HIPK3: variants seen among roughly 807,000 people sequenced by gnomAD.
The protein encoded by HIPK3 is homeodomain-interacting protein kinase 3.
Under a neutral mutation model 124.2 loss-of-function variants are expected in HIPK3, and 47 were observed. That is an observed-to-expected ratio of 0.38 (90% confidence interval 0.30 to 0.48). The LOEUF (loss-of-function observed/expected upper bound fraction) is 0.48. Ranked by LOEUF, HIPK3 falls within the 20% of genes least tolerant of loss-of-function variation. The pLI, the probability that HIPK3 is intolerant of heterozygous loss-of-function variation, is 0.98. For missense variants in HIPK3, 1,286 were observed against 1,454.3 expected, an observed-to-expected ratio of 0.88 and a Z score of 1.88; for synonymous variants, 482 against 515.2, an observed-to-expected ratio of 0.94 and a Z score of 0.87.
intron 1 of HIPK3, among the ~76,000 whole-genome samples, chr11:33,263,930 G>C (rs545750637): frequency 6.6e-6 from 1 of 152,236 alleles, no homozygotes; most frequent in East Asian, 1.9e-4. Context: ...GAAGACTATA[G>C]AACATAATAT....
Position 33,348,780 on chromosome 11 carries a change from T to G in HIPK3, c.2628T>G (p.Thr876=). 6.2e-7 allele frequency: 1 copy of G among 1,614,104 alleles called. No individual in the cohort carries two copies. Among genetic ancestry groups the G allele is most frequent in the Non-Finnish European group, 8.5e-7 (1 of 1,179,990 alleles). ...AVSVITISSD[T]DEEETSQRHS... is the part of the protein sequence containing the mutation. Reference sequence around the variant, plus strand: ...GTGTCATCACTATCAGCAGTGACACTGATGAGGAAGAGACTTCCCAGAGAC... The same window carrying G: ...GTGTCATCACTATCAGCAGTGACACGGATGAGGAAGAGACTTCCCAGAGAC... Residue 876 remains threonine, a synonymous_variant, in exon 13 of 17, where the codon ACT becomes ACG. Transcript: ENST00000303296.
intron 1 of HIPK3, among the ~76,000 whole-genome samples, chr11:33,285,246 C>A (rs1302892699): frequency 6.6e-6 from 1 of 151,940 alleles, no homozygotes; most frequent in African/African-American, 2.4e-5. Context: ...TCCTTGAGAA[C>A]CTTAGAATGA....
chr11:33,353,362 C>A lies in HIPK3; in HGVS notation c.3442C>A (p.Gln1148Lys). 1 of 1,614,140 alleles carries A rather than the reference C, an allele frequency of 6.2e-7. No individual in the cohort carries two copies. Among genetic ancestry groups the A allele is most frequent in the Non-Finnish European group, 8.5e-7 (1 of 1,180,002 alleles). The change falls in exon 17 of 17, where the codon CAG (glutamine) becomes AAG (lysine). Residue 1148 changes from glutamine to lysine, a missense_variant. By Grantham distance (53) the Gln-to-Lys change is moderately conservative. This residue lies in a region of HIPK3 where 810 missense variants were observed against 864.9 expected (regional missense o/e 0.94). Transcript: ENST00000303296. ...TCCGTGTACCTCAAGACCTATGTTACAGCATCCAACTTATAATATCTCCCA... is the reference window on the plus strand; with the variant it reads ...TCCGTGTACCTCAAGACCTATGTTAAAGCATCCAACTTATAATATCTCCCA... Reference protein sequence around the residue: ...ASPCTSRPMLQHPTYNISHPS... With the variant: ...ASPCTSRPMLKHPTYNISHPS...
chr11:33,290,321 G>T (rs1825363339), intron 2 of HIPK3, among the ~76,000 whole-genome samples: 2 of 152,006 alleles, frequency 1.3e-5, no homozygotes, highest in Non-Finnish European at 2.9e-5. Context: ...CTCCGCAAAA[G>T]ATTTTTTTTT....
At chr11:33,286,180 C>T (rs572849607) in intron 1 of HIPK3, among the ~76,000 whole-genome samples, 22 of 152,052 alleles carry the variant, frequency 1.4e-4, no homozygotes, top group African/African-American at 5.1e-4. Flanking sequence ...AGCCTTTTAA[C>T]GCAATACTCA....
intron 1 of HIPK3, among the ~76,000 whole-genome samples, chr11:33,269,448 C>T (rs1851062301): frequency 6.6e-6 from 1 of 151,686 alleles, no homozygotes; most frequent in Non-Finnish European, 1.5e-5. Flanking sequence ...GGAGCTTGTC[C>T]AAAAACTTAA....
intron 1 of HIPK3, 147 bp downstream of exon 1, chr11:33,258,036 C>A: frequency 1.7e-6 from 1 of 577,800 alleles, no homozygotes; most frequent in South Asian, 7.8e-5. Context: ...GTCCCGTGCC[C>A]CATCCGCATC....
chr11:33,309,870 T>C (rs890989831), intron 2 of HIPK3, among the ~76,000 whole-genome samples: 31 of 152,220 alleles, frequency 2.0e-4, no homozygotes, highest in Non-Finnish European at 3.8e-4. Context: ...GTAAATTTTA[T>C]ATATGGTGAG....
chr11:33,276,494 A>G (rs1851274110), intron 1 of HIPK3, among the ~76,000 whole-genome samples: 1 of 152,194 alleles, frequency 6.6e-6, no homozygotes, highest in Non-Finnish European at 1.5e-5. Flanking sequence ...TTGATATACA[A>G]TCACGTTCAT....
intron 6 of HIPK3, 76 bp from the exon 7 acceptor site, chr11:33,340,892 T>A: frequency 2.3e-6 from 2 of 853,868 alleles, no homozygotes; most frequent in Non-Finnish European, 3.4e-6. Context: ...ATAATTTTTT[T>A]ATTTTGTCAA....
At chr11:33,350,352 ATGATTTACTAACGCATTGAG>A (rs1007699199) in intron 14 of HIPK3, among the ~76,000 whole-genome samples, 34 of 152,226 alleles carry the variant, frequency 2.2e-4, no homozygotes, top group African/African-American at 7.2e-4. Flanking sequence ...CCTAAGCAGA[ATGATTTACTAACGCATTGAG>A]AGATAAGCCA....
intron 2 of HIPK3, among the ~76,000 whole-genome samples, chr11:33,313,114 C>G (rs1488514558): frequency 2.0e-5 from 3 of 152,096 alleles, no homozygotes; most frequent in Non-Finnish European, 4.4e-5. Flanking sequence ...TAGCATCACT[C>G]CTGTAGTAAT....
At chr11:33,348,866 G>C in intron 13 of HIPK3, 48 bp downstream of exon 13, 3 of 1,538,856 alleles carry the variant, frequency 1.9e-6, no homozygotes, top group Non-Finnish European at 2.6e-6. Flanking sequence ...GGCATCCTTT[G>C]GTGTGCCGAA....
Position 33,300,586 on chromosome 11 carries a change from A to G in HIPK3, c.1097+13075A>G, listed in dbSNP as rs144207913. On this transcript the variant is annotated intron_variant, in intron 2 of 16. Transcript: ENST00000303296. ...TAATAGACTACAGTATAATGTAAAC[A>G]TAACTTTTATATGTACTGGGAAACC... Among the ~76,000 whole-genome samples, 3 of 152,356 alleles carry G rather than the reference A, an allele frequency of 2.0e-5. No individual in the cohort carries two copies. The East Asian group carries it at 5.8e-4, about 29-fold the overall frequency.
rs777642280 is a variant in HIPK3 at position 33,353,610 on chromosome 11, TTAAAAA to T, written c.*49_*54del. On this transcript the variant is annotated 3_prime_UTR_variant, in exon 17 of 17. Coordinates refer to ENST00000303296, the MANE Select transcript of HIPK3 (RefSeq NM_005734.5). ...GAAGCTCAATGATACAAACATTTGATTAAAAATAAAAACATGGTATTTAATATTAGC... is the reference window on the plus strand; with the variant it reads ...GAAGCTCAATGATACAAACATTTGATTAAAAACATGGTATTTAATATTAGC... 1.9e-5 allele frequency: 25 copies of T among 1,292,290 alleles called. No individual in the cohort carries two copies. The Admixed American group carries it at 2.7e-4, about 14-fold the overall frequency. 80.1% of individuals were successfully genotyped at this position (1,292,290 alleles called of 1,614,324 possible).
At chr11:33,273,127 G>A (rs1365270111) in intron 1 of HIPK3, among the ~76,000 whole-genome samples, 1 of 151,784 alleles carries the variant, frequency 6.6e-6, no homozygotes, top group Non-Finnish European at 1.5e-5. Context: ...AGAGTTTCCT[G>A]AAGCCATTGT....
chr11:33,266,956 T>G (rs1590338247), intron 1 of HIPK3, among the ~76,000 whole-genome samples: 1 of 152,110 alleles, frequency 6.6e-6, no homozygotes, highest in South Asian at 2.1e-4. Context: ...TTTCTCGTGG[T>G]TTTTTCTTCT....
At chr11:33,316,560 C>T (rs1189135805) in intron 2 of HIPK3, among the ~76,000 whole-genome samples, 5 of 152,194 alleles carry the variant, frequency 3.3e-5, no homozygotes, top group Admixed American at 6.5e-5. Context: ...TGGTGGCTCA[C>T]ACCTGTATTC....
At chr11:33,268,494 G>A (rs1192474396) in intron 1 of HIPK3, among the ~76,000 whole-genome samples, 5 of 142,258 alleles carry the variant, frequency 3.5e-5, no homozygotes, top group Admixed American at 7.8e-5. Context: ...GGGAGACTGA[G>A]ACAGAAAGAT....
Sources: gnomAD v4.1 joint callset for allele counts (sites outside exome capture counted in the v4.1 genomes callset) on GRCh38, gnomAD v4.1.1 for gene constraint, gnomAD v4.1.1 regional missense constraint, MANE v1.5 for transcripts, NCBI Gene and HGNC (gene_info 2026-07-23, HGNC 2026-07-21) for gene names.